The following PRR16 variants were observed in gnomAD, a reference collection of about 807,000 sequenced individuals.
PRR16 encodes protein Largen.
Under a neutral mutation model 18.2 loss-of-function variants are expected in PRR16, and 6 were observed. The ratio of observed to expected loss-of-function variants is 0.33; its 90% CI spans 0.18 to 0.65. The LOEUF (loss-of-function observed/expected upper bound fraction) is 0.65. Ranked by LOEUF, PRR16 falls within the 30% of genes least tolerant of loss-of-function variation. PRR16 has a pLI of 0.74. For synonymous variants in PRR16, 151 were observed against 147.8 expected (o/e 1.02, Z -0.16); for missense variants, 412 against 376.6 (o/e 1.09, Z -0.78).
At chr5:120,696,139 G>A in the PRR16 span, among the ~76,000 whole-genome samples, 2 of 152,108 alleles carry the variant, frequency 1.3e-5, no homozygotes, top group Non-Finnish European at 2.9e-5. Context: ...CTACTCAGGA[G>A]GCTGAGGCAG....
intron 1 of PRR16, among the ~76,000 whole-genome samples, chr5:120,599,499 G>C (rs547504450): frequency 6.6e-6 from 1 of 151,696 alleles, no homozygotes; most frequent in East Asian, 1.9e-4. Flanking sequence ...AAAATTTATT[G>C]ACCTCTCCTC....
the PRR16 span, among the ~76,000 whole-genome samples, chr5:120,761,329 C>A: frequency 6.6e-6 from 1 of 151,996 alleles, no homozygotes; most frequent in African/African-American, 2.4e-5. Context: ...ATAACAGGAT[C>A]ATTTTTTGTT....
At chr5:120,762,535 T>A in the PRR16 span, among the ~76,000 whole-genome samples, 1 of 152,168 alleles carries the variant, frequency 6.6e-6, no homozygotes, top group Non-Finnish European at 1.5e-5. Flanking sequence ...CTCCCTATGT[T>A]GCTCAGGCCG....
At chr5:120,774,729 C>G in the PRR16 span, among the ~76,000 whole-genome samples, 1 of 152,150 alleles carries the variant, frequency 6.6e-6, no homozygotes, top group South Asian at 2.1e-4. Flanking sequence ...TACAACTAAA[C>G]TTGTTCAACT....
At chr5:120,756,624 A>AT in the PRR16 span, among the ~76,000 whole-genome samples, 1 of 151,604 alleles carries the variant, frequency 6.6e-6, no homozygotes, top group Non-Finnish European at 1.5e-5. Context: ...TCTTTTGCCC[A>AT]TTTTTTTAAA....
the PRR16 span, among the ~76,000 whole-genome samples, chr5:120,711,265 A>G: frequency 1.3e-5 from 2 of 152,216 alleles, no homozygotes; most frequent in African/African-American, 4.8e-5. Context: ...TTGGAGAGCC[A>G]TCATTGTGCC....
chr5:120,593,642 A>G (rs896780769), intron 1 of PRR16, among the ~76,000 whole-genome samples: 1 of 152,148 alleles, frequency 6.6e-6, no homozygotes, highest in Non-Finnish European at 1.5e-5. Context: ...ACTTCTCTCC[A>G]ATTCATTCCA....
intron 1 of PRR16, among the ~76,000 whole-genome samples, chr5:120,553,348 G>T (rs916459853): frequency 2.0e-5 from 3 of 151,832 alleles, no homozygotes; most frequent in African/African-American, 7.2e-5. Flanking sequence ...GATTGTTTTG[G>T]ATTATTGTCC....
chr5:120,651,805 G>A (rs1017449321), intron 1 of PRR16, among the ~76,000 whole-genome samples: 9 of 152,060 alleles, frequency 5.9e-5, no homozygotes, highest in South Asian at 2.1e-4. Context: ...TTGACTTGGC[G>A]ATGTGGGCTC....
chr5:120,701,713 C>G, the PRR16 span, among the ~76,000 whole-genome samples: 1 of 151,970 alleles, frequency 6.6e-6, no homozygotes, highest in Non-Finnish European at 1.5e-5. Context: ...CTCAGCAACG[C>G]TTGGGGTTGG....
the PRR16 span, among the ~76,000 whole-genome samples, chr5:120,729,207 A>T: frequency 6.6e-6 from 1 of 151,784 alleles, no homozygotes; most frequent in South Asian, 2.1e-4. Context: ...AGGACTCAAT[A>T]TTTTTTTTAT....
chr5:120,557,515 A>C (rs573263620), intron 1 of PRR16, among the ~76,000 whole-genome samples: 3 of 151,964 alleles, frequency 2.0e-5, no homozygotes, highest in Admixed American at 2.0e-4. Context: ...ACTTGCACTG[A>C]TGTGATGAAA....
chr5:120,548,023 C>T (rs756353599), intron 1 of PRR16, among the ~76,000 whole-genome samples: 2 of 152,046 alleles, frequency 1.3e-5, no homozygotes, highest in African/African-American at 2.4e-5. Flanking sequence ...TGAGTTTCCT[C>T]AGCCTCTGTT....
intron 1 of PRR16, among the ~76,000 whole-genome samples, chr5:120,566,454 A>C (rs2112726837): frequency 6.6e-6 from 1 of 152,256 alleles, no homozygotes; most frequent in Middle Eastern, 3.4e-3. Context: ...TATACTTTTG[A>C]ATCTTGTTGA....
intron 1 of PRR16, among the ~76,000 whole-genome samples, chr5:120,471,898 G>A (rs1250132803): frequency 2.6e-5 from 4 of 152,044 alleles, no homozygotes; most frequent in Non-Finnish European, 5.9e-5. Context: ...GTCAACTCAG[G>A]ACAAATGTTG....
At chr5:120,655,854 G>T (rs951072326) in intron 1 of PRR16, among the ~76,000 whole-genome samples, 2 of 151,476 alleles carry the variant, frequency 1.3e-5, no homozygotes, top group African/African-American at 4.8e-5. Context: ...AGGAAAGGTC[G>T]TTATATTCTT....
chr5:120,723,481 G>A, the PRR16 span, among the ~76,000 whole-genome samples: 1 of 151,970 alleles, frequency 6.6e-6, no homozygotes, highest in Non-Finnish European at 1.5e-5. Flanking sequence ...AAAATTTAAT[G>A]ACTTTAACCA....
the PRR16 span, among the ~76,000 whole-genome samples, chr5:120,701,356 C>T: frequency 4.6e-5 from 7 of 152,108 alleles, 1 homozygote; most frequent in Admixed American, 2.0e-4. Flanking sequence ...TAAAGTGTCT[C>T]AGGGTTGCTG....
intron 1 of PRR16, among the ~76,000 whole-genome samples, chr5:120,628,681 A>G (rs201620634): frequency 6.9e-6 from 1 of 144,598 alleles, no homozygotes; most frequent in Admixed American, 7.0e-5. Flanking sequence ...CTATCTATCT[A>G]TCTATCATTC....
Sources: gnomAD v4.1 joint callset for allele counts (sites outside exome capture counted in the v4.1 genomes callset) on GRCh38, gnomAD v4.1.1 for gene constraint, MANE v1.5 for transcripts, NCBI Gene and HGNC (gene_info 2026-07-23, HGNC 2026-07-21) for gene names.